The following ARL11 variants were observed in gnomAD, a reference collection of about 807,000 sequenced individuals.
The protein encoded by ARL11 is ARF like GTPase 11.
For synonymous variants in ARL11, 91 were observed against 111.2 expected, an observed-to-expected ratio of 0.82 and a Z score of 1.15; for missense variants, 239 against 250.6, an observed-to-expected ratio of 0.95 and a Z score of 0.31.
At chr13:49,630,295 C>CT in intron 1 of ARL11, 135 bp from the exon 2 acceptor site, 3 of 655,152 alleles carry the variant, frequency 4.6e-6, no homozygotes, top group Non-Finnish European at 8.0e-6. Flanking sequence ...TTGTTTGAAA[C>CT]TCCTGGGCTC....
intron 1 of ARL11, chr13:49,630,013 C>G (rs1377916524): frequency 6.4e-6 from 1 of 156,102 alleles, no homozygotes; most frequent in Non-Finnish European, 1.4e-5. Context: ...TTCATTTTGC[C>G]TCTTTGCTTT....
At chr13:49,629,490 A>G (rs1033107182) in intron 1 of ARL11, among the ~76,000 whole-genome samples, 2 of 152,020 alleles carry the variant, frequency 1.3e-5, no homozygotes, top group African/African-American at 4.8e-5. Flanking sequence ...GTCCCATAAG[A>G]TTATAACAGA....
Position 49,633,849 on chromosome 13 carries a change from G to A in ARL11, c.*2811G>A, listed in dbSNP as rs1016770130. On this transcript the variant is annotated 3_prime_UTR_variant, in exon 2 of 2. Transcript: ENST00000282026. Reference sequence around the variant, plus strand: ...TATCTGTACTCCCAACAACCCTGCCGGATATATTTGTTGGCTTTCACTCAT... The same window carrying A: ...TATCTGTACTCCCAACAACCCTGCCAGATATATTTGTTGGCTTTCACTCAT... 2.3e-4 allele frequency: 39 copies of A among 166,988 alleles called. No individual in the cohort carries two copies. The highest frequency in any genetic ancestry group is 2.5e-4 in the Non-Finnish European group (17 of 68,116). 10.3% of individuals were successfully genotyped at this position (166,988 alleles called of 1,614,324 possible). A position where few individuals can be genotyped will look rare whatever the true frequency, so the allele number is the denominator to read the frequency against.
At position 49,631,086 on chromosome 13, in the gene ARL11, C is replaced by G. The variant is rs1210819134; in HGVS notation, c.*48C>G. 1 of 1,460,384 alleles carries G rather than the reference C, an allele frequency of 6.8e-7. No homozygotes were observed. The highest frequency in any genetic ancestry group is 2.5e-5 in the East Asian group (1 of 39,740). 90.5% of individuals were successfully genotyped at this position (1,460,384 alleles called of 1,614,324 possible). A position where few individuals can be genotyped will look rare whatever the true frequency, so the allele number is the denominator to read the frequency against. ...TGCTCATACAAACTAGAAGAACCAG[C>G]TGATCCTTGAGAAATTTACGCTTAG... On this transcript the variant is annotated 3_prime_UTR_variant, in exon 2 of 2. Coordinates refer to ENST00000282026, the MANE Select transcript of ARL11 (RefSeq NM_138450.6).
At position 49,631,767 on chromosome 13, in the gene ARL11, G is replaced by A. The variant is rs752038963; in HGVS notation, c.*729G>A. On this transcript the variant is annotated 3_prime_UTR_variant, in exon 2 of 2. Transcript: ENST00000282026. ...CAGAAGAATCGCTTGAACCCAGGAA[G>A]TGGAGGTTGCAGTGAGCCGAGATTG... 1.2e-5 allele frequency: 2 copies of A among 166,386 alleles called. No homozygotes were observed. The highest frequency in any genetic ancestry group is 4.8e-5 in the African/African-American group (2 of 41,428). 10.3% of individuals were successfully genotyped at this position (166,386 alleles called of 1,614,324 possible). A position where few individuals can be genotyped will look rare whatever the true frequency, so the allele number is the denominator to read the frequency against.
At chr13:49,629,091 T>A (rs1448063277) in intron 1 of ARL11, among the ~76,000 whole-genome samples, 1 of 151,866 alleles carries the variant, frequency 6.6e-6, no homozygotes, top group Non-Finnish European at 1.5e-5. Context: ...GGTGACACAG[T>A]GAGACCCTGT....
Position 49,632,250 on chromosome 13 carries a change from A to G in ARL11, c.*1212A>G, listed in dbSNP as rs1964895805. On this transcript the variant is annotated 3_prime_UTR_variant, in exon 2 of 2. Transcript: ENST00000282026. ...TTCATTAATTTAACAAAAAAAACAG[A>G]GCATTTAGTTTGTGGCAAAAACACT... 6.0e-6 allele frequency: 1 copy of G among 167,042 alleles called. No homozygotes were observed. The highest frequency in any genetic ancestry group is 1.5e-5 in the Non-Finnish European group (1 of 68,118). 10.3% of individuals were successfully genotyped at this position (167,042 alleles called of 1,614,324 possible).
chr13:49,630,936 C>G lies in ARL11; in HGVS notation c.489C>G (p.Pro163=), dbSNP rs569508133. 6.2e-7 allele frequency: 1 copy of G among 1,604,422 alleles called. No homozygotes were observed. Among genetic ancestry groups the G allele is most frequent in the African/African-American group, 1.3e-5 (1 of 74,686 alleles). Residue 163 remains proline (P), a synonymous_variant, in exon 2 of 2, where the codon CCC becomes CCG. Transcript: ENST00000282026. ...GTGCCCTCACTGGGGAGGGGCTGCC[C>G]GAGGCCCTGCAGAGCCTGTGGAGCC... is the stretch of plus-strand genomic sequence containing the variant. The part of the protein sequence containing the change: ...GCSALTGEGL[P]EALQSLWSLL...
At position 49,633,418 on chromosome 13, in the gene ARL11, G is replaced by A. The variant is rs1964905037; in HGVS notation, c.*2380G>A. Reference sequence around the variant, plus strand: ...GAATGGGAGTTTAGGTCCAATTTGGGCAAGGTTGTTTGAATTTCAATAATC... The same window carrying A: ...GAATGGGAGTTTAGGTCCAATTTGGACAAGGTTGTTTGAATTTCAATAATC... On this transcript the variant is annotated 3_prime_UTR_variant, in exon 2 of 2. Coordinates refer to ENST00000282026, the MANE Select transcript of ARL11 (RefSeq NM_138450.6). 1 of 167,104 alleles carries A rather than the reference G, an allele frequency of 6.0e-6. No homozygotes were observed. The highest frequency in any genetic ancestry group is 1.5e-5 in the Non-Finnish European group (1 of 68,126). 10.4% of individuals were successfully genotyped at this position (167,104 alleles called of 1,614,324 possible).
chr13:49,628,864 G>T (rs576007381), intron 1 of ARL11, among the ~76,000 whole-genome samples: 33 of 152,228 alleles, frequency 2.2e-4, no homozygotes, highest in Non-Finnish European at 3.5e-4. Context: ...GGCCGGGCAG[G>T]TGGATAATTT....
rs777416619 is a variant in ARL11, at chr13:49,630,784, G to C, written c.337G>C (p.Ala113Pro). The C allele has an allele frequency of 1.2e-6, 2 of 1,613,286 alleles. No homozygotes were observed. Among genetic ancestry groups the C allele is most frequent in the East Asian group, 4.5e-5 (2 of 44,822 alleles). ...LTEVLNDPNM[A>P]GVPFLVLANK... ...AGAAGTCCTGAACGACCCCAACATG[G>C]CTGGCGTCCCCTTCTTGGTGCTGGC... The change falls in exon 2 of 2, where the codon GCT becomes CCT. Residue 113 changes from alanine (A) to proline (P), a missense_variant. Ala to Pro is a conservative substitution (Grantham distance 27). Coordinates refer to ENST00000282026, the MANE Select transcript of ARL11 (RefSeq NM_138450.6).
chr13:49,631,029 G>C lies in ARL11; in HGVS notation c.582G>C (p.Lys194Asn), dbSNP rs35835937. The change falls in exon 2 of 2, where the codon AAG becomes AAC. Residue 194 changes from lysine (K) to asparagine (N), a missense_variant. Physicochemically the swap from Lys to Asn is moderately conservative, Grantham distance 94. Transcript: ENST00000282026. ...RAHGAERGDSKRS is the reference protein window; with the variant it reads ...RAHGAERGDSNRS ...ATGGGGCTGAGCGCGGAGACAGCAA[G>C]AGATCTTGATCCAGACAGAGCAGCA... 1.4e-3 allele frequency: 2,197 copies of C among 1,578,586 alleles called. 24 individuals are homozygous for C. In the African/African-American group the frequency reaches 0.026, roughly 19 times the overall value.
At position 49,630,643 on chromosome 13, in the gene ARL11, G is replaced by C. The variant is rs778840264; in HGVS notation, c.196G>C (p.Gly66Arg). ...HVSLTLWDVG[G>R]QAPLRASWKD... is the part of the protein sequence containing the mutation. ...GTCACTGACTCTCTGGGACGTTGGG[G>C]GGCAGGCCCCGCTCAGAGCCAGCTG... is the stretch of plus-strand genomic sequence containing the variant. The change falls in exon 2 of 2, where the codon GGG becomes CGG. Residue 66 changes from glycine to arginine, a missense_variant. Gly to Arg is a moderately radical substitution (Grantham distance 125). Coordinates refer to ENST00000282026, the MANE Select transcript of ARL11 (RefSeq NM_138450.6). 1 of 1,614,168 alleles carries C rather than the reference G, an allele frequency of 6.2e-7. No homozygotes were observed. Among genetic ancestry groups the C allele is most frequent in the Non-Finnish European group, 8.5e-7 (1 of 1,180,034 alleles).
In ARL11 at chr13:49,630,920, C is replaced by A. The variant is rs1396778377; in HGVS notation, c.473C>A (p.Thr158Asn). 6.3e-7 allele frequency: 1 copy of A among 1,599,576 alleles called. No homozygotes were observed. The highest frequency in any genetic ancestry group is 8.5e-7 in the Non-Finnish European group (1 of 1,170,786). The change falls in exon 2 of 2, where the codon ACT becomes AAT. Residue 158 changes from threonine (T) to asparagine (N), a missense_variant. Coordinates refer to ENST00000282026, the MANE Select transcript of ARL11 (RefSeq NM_138450.6). ...CWELRGCSAL[T>N]GEGLPEALQS... ...GAGCTCCGGGGCTGCAGTGCCCTCA[C>A]TGGGGAGGGGCTGCCCGAGGCCCTG...
At position 49,630,522 on chromosome 13, in the gene ARL11, G is replaced by A. The variant is rs1466666847; in HGVS notation, c.75G>A (p.Lys25=). The A allele has an allele frequency of 6.2e-7, 1 of 1,613,842 alleles. No homozygotes were observed. The highest frequency in any genetic ancestry group is 8.5e-7 in the Non-Finnish European group (1 of 1,180,034). The change falls in exon 2 of 2, where the codon AAG becomes AAA. Residue 25 remains lysine (K), a synonymous_variant. Transcript: ENST00000282026. ...VVMMGLDSAG[K]TTLLYKLKGH... ...TGATGGGCCTGGACTCGGCGGGCAA[G>A]ACCACGCTCCTTTACAAGCTGAAGG...
chr13:49,630,660 A>T lies in ARL11; in HGVS notation c.213A>T (p.Arg71Ser), dbSNP rs1255483525. 6.2e-7 allele frequency: 1 copy of T among 1,614,126 alleles called. No homozygotes were observed. The highest frequency in any genetic ancestry group is 8.5e-7 in the Non-Finnish European group (1 of 1,180,034). Reference sequence around the variant, plus strand: ...ACGTTGGGGGGCAGGCCCCGCTCAGAGCCAGCTGGAAGGACTATCTGGAAG... The same window carrying T: ...ACGTTGGGGGGCAGGCCCCGCTCAGTGCCAGCTGGAAGGACTATCTGGAAG... Reference protein sequence around the residue: ...LWDVGGQAPLRASWKDYLEGT... With the variant: ...LWDVGGQAPLSASWKDYLEGT... The change falls in exon 2 of 2, where the codon AGA becomes AGT. Residue 71 changes from arginine (R) to serine (S), a missense_variant. Physicochemically the swap from Arg to Ser is moderately radical, Grantham distance 110 (BLOSUM62 -1). Transcript: ENST00000282026.
At position 49,630,682 on chromosome 13, in the gene ARL11, G is replaced by T. The variant is rs761386601; in HGVS notation, c.235G>T (p.Glu79Ter). ...PLRASWKDYL[E>*]GTDILVYVLD... Reference sequence around the variant, plus strand: ...CAGAGCCAGCTGGAAGGACTATCTGGAAGGCACAGATATCCTCGTGTACGT... The same window carrying T: ...CAGAGCCAGCTGGAAGGACTATCTGTAAGGCACAGATATCCTCGTGTACGT... The change falls in exon 2 of 2, where the codon GAA becomes TAA. Residue 79 changes from glutamate to a stop codon, truncating the protein, a stop_gained. Coordinates refer to ENST00000282026, the MANE Select transcript of ARL11 (RefSeq NM_138450.6). LOFTEE classifies it low-confidence loss of function (END_TRUNC). 6 of 1,614,018 alleles carry T rather than the reference G, an allele frequency of 3.7e-6. No individual in the cohort carries two copies. Among genetic ancestry groups the T allele is most frequent in the Non-Finnish European group, 3.4e-6 (4 of 1,180,046 alleles).
chr13:49,629,499 G>A (rs774037481), intron 1 of ARL11, among the ~76,000 whole-genome samples: 1 of 152,076 alleles, frequency 6.6e-6, no homozygotes, highest in Non-Finnish European at 1.5e-5. Flanking sequence ...GATTATAACA[G>A]AGCTGAAAAA....
chr13:49,630,291 G>A, intron 1 of ARL11, 139 bp from the exon 2 acceptor site: 2 of 636,548 alleles, frequency 3.1e-6, no homozygotes, highest in Non-Finnish European at 5.5e-6. Context: ...CGGCTTGTTT[G>A]AAACTCCTGG....
Sources: allele counts gnomAD v4.1 joint callset (sites outside exome capture counted in the v4.1 genomes callset), GRCh38; gene constraint gnomAD v4.1.1; transcripts MANE v1.5; gene names NCBI Gene and HGNC (gene_info 2026-07-23, HGNC 2026-07-21).